Variants in CCDC102A observed in about 807,000 individuals in gnomAD.
CCDC102A encodes coiled-coil domain containing 102A.
CCDC102A carries 40 observed loss-of-function variants against 55.5 expected under a neutral mutation model. The observed-to-expected ratio is 0.72, with a 90% CI of 0.56 to 0.94. The LOEUF (loss-of-function observed/expected upper bound fraction) is 0.94. CCDC102A is among the 40% of genes least tolerant of loss of function. The probability of loss-of-function intolerance (pLI) is 0.00; values close to 1 mark genes in which losing one functional copy is unlikely to be tolerated. For synonymous variants in CCDC102A, 323 were observed against 339.0 expected (o/e 0.95, Z 0.52); for missense variants, 779 against 768.6 (o/e 1.01, Z -0.16).
intron 8 of CCDC102A, among the ~76,000 whole-genome samples, chr16:57,514,043 AG>A (rs1330489605): frequency 1.3e-5 from 2 of 152,180 alleles, no homozygotes; most frequent in African/African-American, 4.8e-5. Flanking sequence ...CCAGCCCCCT[AG>A]GAAAAAACAT....
rs2031987809 is a variant in CCDC102A, at chr16:57,518,131, T to C, written c.1185A>G (p.Gln395=). Residue 395 remains glutamine (Q), a synonymous_variant, in exon 6 of 9, where the codon CAA becomes CAG. Transcript: ENST00000258214. ...LEEALARRRR[Q]TASALDCDLR... ...GGTCGCAGTCCAGTGCGCTGGCTGT[T>C]TGCCGCCGCCGCCGGGCCAGCGCCT... The C allele has an allele frequency of 6.2e-7, 1 of 1,610,056 alleles. No homozygotes were observed. Among genetic ancestry groups the C allele is most frequent in the Non-Finnish European group, 8.5e-7 (1 of 1,179,714 alleles).
In CCDC102A at chr16:57,529,382, C is replaced by T. The variant is rs2032210192; in HGVS notation, c.-147-58G>A. On this transcript the variant is annotated intron_variant, in intron 1 of 8. Coordinates refer to ENST00000258214, the MANE Select transcript of CCDC102A (RefSeq NM_033212.4). The surrounding 1 kb of genome is among the most constrained non-coding windows in gnomAD (Gnocchi z 4.1). ...ACCACCGTCAGTCTCGAAGATCAGCCGCGCCAAGGCCCTGGCGGAGGGAAC... is the reference window on the plus strand; with the variant it reads ...ACCACCGTCAGTCTCGAAGATCAGCTGCGCCAAGGCCCTGGCGGAGGGAAC... 1 of 512,154 alleles carries T rather than the reference C, an allele frequency of 2.0e-6. No homozygotes were observed. Among genetic ancestry groups the T allele is most frequent in the Non-Finnish European group, 2.7e-6 (1 of 372,444 alleles). The allele number at this position is 512,154 out of a possible 1,614,324, so 31.7% of individuals were successfully genotyped here.
intron 3 of CCDC102A, among the ~76,000 whole-genome samples, chr16:57,524,525 C>T (rs187346022): frequency 1.9e-4 from 29 of 151,982 alleles, no homozygotes; most frequent in African/African-American, 6.5e-4. Context: ...TACAGTGAGT[C>T]GAGACTGTGC....
chr16:57,529,233 CG>C lies in CCDC102A; in HGVS notation c.-57del. 1 of 1,138,116 alleles carries C rather than the reference CG, an allele frequency of 8.8e-7. No homozygotes were observed. Among genetic ancestry groups the C allele is most frequent in the Non-Finnish European group, 1.1e-6 (1 of 926,546 alleles). The allele number at this position is 1,138,116 out of a possible 1,614,324, so 70.5% of individuals were successfully genotyped here. On this transcript the variant is annotated 5_prime_UTR_variant, in exon 2 of 9. The change abolishes the stop of an existing upstream ORF in the 5' untranslated region. Coordinates refer to ENST00000258214, the MANE Select transcript of CCDC102A (RefSeq NM_033212.4). The surrounding 1 kb of genome is among the most constrained non-coding windows in gnomAD (Gnocchi z 4.1). ...TCGCGGTCGGGCTCAGGGGCGGCTC[CG>C]GGGACGCGCGGCGGGCGCGATACAA...
Position 57,512,432 on chromosome 16 carries a change from T to TG in CCDC102A, c.*308dup. On this transcript the variant is annotated 3_prime_UTR_variant, in exon 9 of 9. Coordinates refer to ENST00000258214, the MANE Select transcript of CCDC102A (RefSeq NM_033212.4). ...ACATGCCCAGCCCTGCATGAAGTCC[T>TG]GGGTGGGTGAGGTCATCTGGACTGG... The TG allele has an allele frequency of 2.5e-6, 1 of 404,050 alleles. No individual in the cohort carries two copies. Among genetic ancestry groups the TG allele is most frequent in the East Asian group, 3.5e-5 (1 of 28,176 alleles). The allele number at this position is 404,050 out of a possible 1,614,324, so 25.0% of individuals were successfully genotyped here.
In CCDC102A at chr16:57,521,763, A is replaced by T. The variant is rs636002; in HGVS notation, c.813-587T>A. 1.3e-3 allele frequency among the ~76,000 whole-genome samples: 198 copies of T among 152,070 alleles called. 1 individual carries two copies. Among genetic ancestry groups the T allele is most frequent in the African/African-American group, 3.3e-3 (135 of 41,486 alleles). On this transcript the variant is annotated intron_variant, in intron 3 of 8. Transcript: ENST00000258214. Reference sequence around the variant, plus strand: ...TGATCTTGAATAAGGCACTGTAGGTAACAAGCATGATGCCTGGCCCTGGCA... The same window carrying T: ...TGATCTTGAATAAGGCACTGTAGGTTACAAGCATGATGCCTGGCCCTGGCA...
At chr16:57,526,195 G>T in intron 2 of CCDC102A, 68 bp from the exon 3 acceptor site, 1 of 1,203,338 alleles carries the variant, frequency 8.3e-7, no homozygotes, top group Non-Finnish European at 1.2e-6. Flanking sequence ...AGATCAGCTT[G>T]ATGGGTAACC....
chr16:57,529,395 T>C lies in CCDC102A; in HGVS notation c.-147-71A>G. The C allele has an allele frequency of 2.5e-6, 1 of 401,828 alleles. No homozygotes were observed. The highest frequency in any genetic ancestry group is 3.6e-6 in the Non-Finnish European group (1 of 275,338). The allele number at this position is 401,828 out of a possible 1,614,324, so 24.9% of individuals were successfully genotyped here. On this transcript the variant is annotated intron_variant, in intron 1 of 8. Transcript: ENST00000258214. The surrounding 1 kb of genome is among the most constrained non-coding windows in gnomAD (Gnocchi z 4.1). ...TCGAAGATCAGCCGCGCCAAGGCCC[T>C]GGCGGAGGGAACAGAACGGCCAAGG...
intron 3 of CCDC102A, among the ~76,000 whole-genome samples, chr16:57,523,524 AGGG>A (rs1291769956): frequency 6.7e-6 from 1 of 150,032 alleles, no homozygotes; most frequent in Non-Finnish European, 1.5e-5. Flanking sequence ...CCTAGGCTGG[AGGG>A]TACTGGTGCA....
At chr16:57,518,336 C>G (rs1213210935) in intron 5 of CCDC102A, 59 bp from the exon 6 acceptor site, 25 of 1,510,916 alleles carry the variant, frequency 1.7e-5, no homozygotes, top group Non-Finnish European at 2.1e-5. Context: ...AGGGCCTGAG[C>G]TGGATGCCCC....
At chr16:57,533,503 C>T (rs1042827220) in intron 1 of CCDC102A, among the ~76,000 whole-genome samples, 2 of 150,654 alleles carry the variant, frequency 1.3e-5, no homozygotes, top group South Asian at 2.1e-4. Context: ...CCCAGGGACC[C>T]GCACTCACAC....
chr16:57,519,432 T>C (rs1393341545), intron 4 of CCDC102A, among the ~76,000 whole-genome samples: 1 of 152,234 alleles, frequency 6.6e-6, no homozygotes, highest in African/African-American at 2.4e-5. Context: ...TGTCGTTGTA[T>C]GGCCTGGGCA....
At chr16:57,522,315 T>TC (rs2032065739) in intron 3 of CCDC102A, among the ~76,000 whole-genome samples, 1 of 152,082 alleles carries the variant, frequency 6.6e-6, no homozygotes, top group South Asian at 2.1e-4. Context: ...GGAACTGCAC[T>TC]CCCTACCCAA....
chr16:57,537,008 C>A (rs898367196), upstream of CCDC102A, among the ~76,000 whole-genome samples: 1 of 152,198 alleles, frequency 6.6e-6, no homozygotes, highest in Non-Finnish European at 1.5e-5. Flanking sequence ...AGTGGGCCAA[C>A]AAGTCTGTGC....
At position 57,518,229 on chromosome 16, in the gene CCDC102A, G is replaced by C; in HGVS notation, c.1087C>G (p.Arg363Gly). 1 of 1,611,798 alleles carries C rather than the reference G, an allele frequency of 6.2e-7. No individual in the cohort carries two copies. The highest frequency in any genetic ancestry group is 8.5e-7 in the Non-Finnish European group (1 of 1,179,918). The change falls in exon 6 of 9, where the codon CGG (arginine) becomes GGG (glycine). Residue 363 changes from arginine to glycine, a missense_variant. By Grantham distance (125) the Arg-to-Gly change is moderately radical. Transcript: ENST00000258214. The part of the protein sequence containing the change: ...ENAAEWGRRE[R>G]LETEKLGLER... ...AGGCCCAGTTTCTCTGTCTCCAGCC[G>C]CTCCCGGCGGCCCCACTCCGCAGCG...
At chr16:57,515,280 G>T in intron 8 of CCDC102A, 61 bp downstream of exon 8, 2 of 1,092,122 alleles carry the variant, frequency 1.8e-6, no homozygotes, top group Non-Finnish European at 2.7e-6. Flanking sequence ...CTCCGTCCCT[G>T]ACCGGAGGGT....
At position 57,529,957 on chromosome 16, in the gene CCDC102A, C is replaced by G. The variant is rs761835381; in HGVS notation, c.-147-633G>C. On this transcript the variant is annotated intron_variant, in intron 1 of 8. Coordinates refer to ENST00000258214, the MANE Select transcript of CCDC102A (RefSeq NM_033212.4). This position sits in a 1 kb window ranked among gnomAD's most constrained non-coding sequence, Gnocchi z 4.1. Reference sequence around the variant, plus strand: ...GCAGGCCACAAGCCAGGCACTGTGCCCAGGGCTTTAGGTGAACGATCTCAT... The same window carrying G: ...GCAGGCCACAAGCCAGGCACTGTGCGCAGGGCTTTAGGTGAACGATCTCAT... Among the ~76,000 whole-genome samples the G allele has an allele frequency of 1.3e-5, 2 of 152,088 alleles. No homozygotes were observed. Among genetic ancestry groups the G allele is most frequent in the Non-Finnish European group, 2.9e-5 (2 of 68,014 alleles).
Position 57,517,636 on chromosome 16 carries a change from G to A in CCDC102A, c.1248+432C>T, listed in dbSNP as rs370921474. Among the ~76,000 whole-genome samples, 538 of 152,300 alleles carry A rather than the reference G, an allele frequency of 3.5e-3. 7 individuals carry two copies. The highest frequency in any genetic ancestry group is 0.012 in the African/African-American group (496 of 41,550). ...TGAGATTACAGATGTGTGCCACTGC[G>A]CCTGGCTGAGAACTCAGTTTAAAAT... On this transcript the variant is annotated intron_variant, in intron 6 of 8. Transcript: ENST00000258214.
At chr16:57,535,382 C>T (rs1453782435) in intron 1 of CCDC102A, among the ~76,000 whole-genome samples, 1 of 152,162 alleles carries the variant, frequency 6.6e-6, no homozygotes, top group Non-Finnish European at 1.5e-5. Flanking sequence ...TTGATTTGAA[C>T]TCCTTTCTTT....
Sources: allele counts gnomAD v4.1 joint callset (sites outside exome capture counted in the v4.1 genomes callset), GRCh38; gene constraint gnomAD v4.1.1; non-coding constraint Gnocchi (gnomAD v3.1); transcripts MANE v1.5; gene names NCBI Gene and HGNC (gene_info 2026-07-23, HGNC 2026-07-21).